Variants in FAM53B observed in about 807,000 individuals in gnomAD.
FAM53B encodes protein FAM53B.
FAM53B carries 12 observed loss-of-function variants against 32.7 expected under a neutral mutation model. The ratio of observed to expected loss-of-function variants is 0.37; its 90% CI spans 0.24 to 0.59. The LOEUF (loss-of-function observed/expected upper bound fraction) is 0.59. FAM53B is among the 20% of genes least tolerant of loss of function. The pLI is 0.72. For synonymous variants in FAM53B, 234 were observed against 228.7 expected (o/e 1.02, Z -0.21); for missense variants, 477 against 577.7 (o/e 0.83, Z 1.79).
chr10:124,698,517 C>T (rs1045735233), intron 2 of FAM53B, among the ~76,000 whole-genome samples: 1 of 152,156 alleles, frequency 6.6e-6, no homozygotes, highest in African/African-American at 2.4e-5. Context: ...GGTCTGTCTG[C>T]CCACAGAGGC....
intron 4 of FAM53B, among the ~76,000 whole-genome samples, chr10:124,678,081 A>T (rs1258569150): frequency 6.6e-6 from 1 of 152,238 alleles, no homozygotes; most frequent in Non-Finnish European, 1.5e-5. Flanking sequence ...AAAAGGGAGG[A>T]TGGAAACACA....
chr10:124,741,391 AG>A (rs1201415220), intron 1 of FAM53B, among the ~76,000 whole-genome samples: 5 of 152,256 alleles, frequency 3.3e-5, no homozygotes, highest in African/African-American at 9.6e-5. Flanking sequence ...AGGTGGGCCC[AG>A]AACTCAGTCT....
At chr10:124,738,288 C>T (rs1438569700) in intron 1 of FAM53B, among the ~76,000 whole-genome samples, 1 of 152,106 alleles carries the variant, frequency 6.6e-6, no homozygotes, top group Non-Finnish European at 1.5e-5. Flanking sequence ...TTTAAAGATA[C>T]CAATGCTGGG....
intron 3 of FAM53B, among the ~76,000 whole-genome samples, chr10:124,685,440 CA>C (rs1467320235): frequency 6.6e-6 from 1 of 152,200 alleles, no homozygotes; most frequent in African/African-American, 2.4e-5. Flanking sequence ...AGTTGCCATA[CA>C]AAATGCTGGC....
At chr10:124,630,247 T>C (rs1949381633) in intron 4 of FAM53B, among the ~76,000 whole-genome samples, 2 of 152,114 alleles carry the variant, frequency 1.3e-5, no homozygotes, top group African/African-American at 2.4e-5. Context: ...ACCCCATTTC[T>C]ACCAAAAAAA....
At chr10:124,739,403 C>T (rs1950189031) in intron 1 of FAM53B, among the ~76,000 whole-genome samples, 1 of 152,244 alleles carries the variant, frequency 6.6e-6, no homozygotes, top group African/African-American at 2.4e-5. Flanking sequence ...CCAGTGGGTG[C>T]TGCCATTATT....
intron 3 of FAM53B, among the ~76,000 whole-genome samples, chr10:124,695,789 T>TA (rs1275504715): frequency 1.3e-5 from 2 of 152,216 alleles, no homozygotes; most frequent in African/African-American, 4.8e-5. Flanking sequence ...ATGGGCTATA[T>TA]AAAAAATGCT....
chr10:124,636,710 G>C (rs565128242), intron 4 of FAM53B, among the ~76,000 whole-genome samples: 21 of 152,142 alleles, frequency 1.4e-4, no homozygotes, highest in African/African-American at 4.8e-4. Context: ...GGTTAGAGGA[G>C]GCTGCCTGTT....
intron 4 of FAM53B, among the ~76,000 whole-genome samples, chr10:124,634,107 T>C (rs551548794): frequency 9.8e-5 from 15 of 152,302 alleles, no homozygotes; most frequent in Admixed American, 2.0e-4. Context: ...TACACAAACA[T>C]TTACAACAGT....
intron 4 of FAM53B, among the ~76,000 whole-genome samples, chr10:124,663,865 T>A (rs1280127895): frequency 6.6e-6 from 1 of 151,842 alleles, no homozygotes; most frequent in Non-Finnish European, 1.5e-5. Flanking sequence ...GCTCCTCACC[T>A]CCTCCCACCA....
chr10:124,634,813 CT>C (rs1405584559), intron 4 of FAM53B, among the ~76,000 whole-genome samples: 1 of 152,140 alleles, frequency 6.6e-6, no homozygotes, highest in Non-Finnish European at 1.5e-5. Context: ...GGGGTATGGA[CT>C]TTCTTTTGAG....
intron 3 of FAM53B, among the ~76,000 whole-genome samples, chr10:124,691,614 C>T (rs912627520): frequency 1.3e-5 from 2 of 152,206 alleles, no homozygotes; most frequent in African/African-American, 4.8e-5. Context: ...TCCAGGTCTC[C>T]TCCTCGCCTG....
chr10:124,704,567 C>A (rs1283154251), intron 2 of FAM53B, among the ~76,000 whole-genome samples: 1 of 152,066 alleles, frequency 6.6e-6, no homozygotes, highest in Non-Finnish European at 1.5e-5. Context: ...GGGCTCCAGG[C>A]CAAGGAAAAA....
chr10:124,622,413 CCA>C lies in FAM53B; in HGVS notation c.*827_*828del. The stretch of plus-strand genomic sequence containing the variant: ...TGCTTATCACTCAGTGACCTGTCAG[CCA>C]CAGAGAAGGGCTGCCATCTGCTAAC... On this transcript the variant is annotated 3_prime_UTR_variant, in exon 5 of 5. Coordinates refer to ENST00000337318, the MANE Select transcript of FAM53B (RefSeq NM_014661.4). 6.6e-6 allele frequency: 1 copy of C among 152,366 alleles called. No homozygotes were observed. The highest frequency in any genetic ancestry group is 1.9e-4 in the East Asian group (1 of 5,178). The allele number at this position is 152,366 out of a possible 1,614,324, so 9.4% of individuals were successfully genotyped here.
chr10:124,688,478 G>T (rs1487377701), intron 3 of FAM53B, among the ~76,000 whole-genome samples: 1 of 152,238 alleles, frequency 6.6e-6, no homozygotes, highest in Non-Finnish European at 1.5e-5. Context: ...CTGCAGATGG[G>T]AGGGTGAACA....
chr10:124,677,257 T>C (rs1949741904), intron 4 of FAM53B, among the ~76,000 whole-genome samples: 1 of 152,118 alleles, frequency 6.6e-6, no homozygotes, highest in Non-Finnish European at 1.5e-5. Flanking sequence ...AAAAAAGCAG[T>C]AAGGAAAATG....
chr10:124,674,543 C>G (rs1949725791), intron 4 of FAM53B, among the ~76,000 whole-genome samples: 1 of 152,228 alleles, frequency 6.6e-6, no homozygotes, highest in South Asian at 2.1e-4. Flanking sequence ...GGCTGAGGCC[C>G]TGCTCTCCCA....
intron 2 of FAM53B, among the ~76,000 whole-genome samples, chr10:124,701,026 G>A (rs545961652): frequency 6.6e-5 from 10 of 152,354 alleles, no homozygotes; most frequent in South Asian, 4.1e-4. Context: ...ATAGAGATAC[G>A]CTGGCCCTGA....
chr10:124,739,896 C>T (rs1209501262), intron 1 of FAM53B, among the ~76,000 whole-genome samples: 1 of 152,132 alleles, frequency 6.6e-6, no homozygotes, highest in Admixed American at 6.5e-5. Flanking sequence ...GTTCCTAAGG[C>T]TGCTTTCAGA....
Sources: gnomAD v4.1 joint callset for allele counts (sites outside exome capture counted in the v4.1 genomes callset) on GRCh38, gnomAD v4.1.1 for gene constraint, MANE v1.5 for transcripts, NCBI Gene and HGNC (gene_info 2026-07-23, HGNC 2026-07-21) for gene names.